The following LRP1B variants were observed in gnomAD, a reference collection of about 807,000 sequenced individuals.
The protein encoded by LRP1B is low-density lipoprotein receptor-related protein 1B.
In LRP1B, 217 loss-of-function variants were observed where a neutral mutation model predicts 556.6. That is an observed-to-expected ratio of 0.39 (90% confidence interval 0.35 to 0.44). The LOEUF (loss-of-function observed/expected upper bound fraction) is 0.44. Ranked by LOEUF, LRP1B falls within the 20% of genes least tolerant of loss-of-function variation. The pLI is 1.00. For synonymous variants in LRP1B, 2,047 were observed against 1,865.8 expected (o/e 1.10, Z -2.50); for missense variants, 5,053 against 5,620.8 (o/e 0.90, Z 3.23).
intron 31 of LRP1B, among the ~76,000 whole-genome samples, chr2:140,817,764 G>A (rs1006550257): frequency 2.0e-5 from 3 of 151,960 alleles, no homozygotes; most frequent in Admixed American, 6.6e-5. Flanking sequence ...AATATACTAT[G>A]CAGTATGGAG....
At chr2:141,064,529 T>C (rs1426422297) in intron 7 of LRP1B, among the ~76,000 whole-genome samples, 1 of 151,978 alleles carries the variant, frequency 6.6e-6, no homozygotes, top group Non-Finnish European at 1.5e-5. Flanking sequence ...AATATATAAC[T>C]GATCAAAATT....
intron 41 of LRP1B, among the ~76,000 whole-genome samples, chr2:140,650,309 TTTTATTTA>T (rs67816685): frequency 0.5 from 68,472 of 137,020 alleles, 18,001 homozygotes; most frequent in Middle Eastern, 0.64. Context: ...TTATTTTTAT[TTTTATTTA>T]TTTATTTATT....
At chr2:140,459,613 T>C (rs1216943119) in intron 60 of LRP1B, among the ~76,000 whole-genome samples, 1 of 152,336 alleles carries the variant, frequency 6.6e-6, no homozygotes, top group African/African-American at 2.4e-5. Context: ...AGCACTTGGG[T>C]GCACAAGAAC....
intron 43 of LRP1B, among the ~76,000 whole-genome samples, chr2:140,593,547 C>T (rs1682311471): frequency 6.6e-6 from 1 of 152,094 alleles, no homozygotes; most frequent in Admixed American, 6.5e-5. Flanking sequence ...AGTTTCCTAT[C>T]ACTGAATAAA....
intron 29 of LRP1B, among the ~76,000 whole-genome samples, chr2:140,844,360 G>A (rs982700595): frequency 3.9e-5 from 6 of 152,020 alleles, no homozygotes; most frequent in East Asian, 3.9e-4. Context: ...CTAATTAGGC[G>A]CCCAGCCTAA....
intron 1 of LRP1B, among the ~76,000 whole-genome samples, chr2:141,890,500 T>C (rs964524249): frequency 9.2e-5 from 14 of 151,560 alleles, no homozygotes; most frequent in African/African-American, 3.2e-4. Flanking sequence ...TATATATCAT[T>C]GACAAAATAT....
At chr2:141,061,962 T>G in intron 8 of LRP1B, 89 bp downstream of exon 8, 1 of 1,020,382 alleles carries the variant, frequency 9.8e-7, no homozygotes. Flanking sequence ...GCAGCTCGAC[T>G]TTACAAGAAA....
At chr2:141,009,898 G>A (rs144471200) in intron 14 of LRP1B, among the ~76,000 whole-genome samples, 1 of 151,896 alleles carries the variant, frequency 6.6e-6, no homozygotes, top group Non-Finnish European at 1.5e-5. Flanking sequence ...AATACTTTCT[G>A]GTCAAACAGA....
At chr2:141,077,593 T>C (rs1056390783) in intron 7 of LRP1B, among the ~76,000 whole-genome samples, 4 of 152,214 alleles carry the variant, frequency 2.6e-5, no homozygotes, top group East Asian at 1.9e-4. Context: ...AAGATGATTA[T>C]CTTCAATACT....
rs1558858138 is a variant in LRP1B, at chr2:141,096,629, G to GAGGGAGA, written c.1014-34357_1014-34356insTCTCCCT. Among the ~76,000 whole-genome samples the GAGGGAGA allele has an allele frequency of 1.1e-3, 68 of 59,738 alleles. 2 individuals carry two copies. Among genetic ancestry groups the GAGGGAGA allele is most frequent in the African/African-American group, 4.2e-3 (58 of 13,698 alleles). 39.2% of individuals were successfully genotyped at this position (59,738 alleles called of 152,430 possible). A position where few individuals can be genotyped will look rare whatever the true frequency, so the allele number is the denominator to read the frequency against. ...CTGAATGACAAAGACGGGGAGAGGG[G>GAGGGAGA]GAGAGAGAGAGAGAGAGAGAGAGAG... On this transcript the variant is annotated intron_variant, in intron 7 of 90. Transcript: ENST00000389484.
intron 2 of LRP1B, among the ~76,000 whole-genome samples, chr2:141,748,483 C>A (rs1437753443): frequency 6.6e-6 from 1 of 152,134 alleles, no homozygotes; most frequent in Non-Finnish European, 1.5e-5. Flanking sequence ...TCTGGGCAAG[C>A]GCTCATTATC....
chr2:140,711,473 C>T (rs891859691), intron 37 of LRP1B, among the ~76,000 whole-genome samples: 6 of 152,124 alleles, frequency 3.9e-5, no homozygotes, highest in African/African-American at 7.2e-5. Flanking sequence ...CAGGCCTCAC[C>T]GCCTGATTGG....
intron 6 of LRP1B, among the ~76,000 whole-genome samples, chr2:141,221,993 C>T (rs919035472): frequency 7.9e-5 from 12 of 152,142 alleles, no homozygotes; most frequent in African/African-American, 2.9e-4. Context: ...CTCAAACTAA[C>T]ACCCTAACAT....
rs184553658 is a variant in LRP1B at position 141,297,735 on chromosome 2, G to A, written c.344-43094C>T. Among the ~76,000 whole-genome samples the A allele has an allele frequency of 4.4e-3, 670 of 152,222 alleles. 2 individuals are homozygous for A. The highest frequency in any genetic ancestry group is 0.015 in the African/African-American group (605 of 41,554). ...ATTGCAAAACAATGTTTCTGTCAAT[G>A]AAGGACCCCATATACAACGGTGCTC... On this transcript the variant is annotated intron_variant, in intron 3 of 90. Transcript: ENST00000389484.
In LRP1B at chr2:141,835,359, C is replaced by T. The variant is rs1052077798; in HGVS notation, c.83-24958G>A. On this transcript the variant is annotated intron_variant, in intron 1 of 90. Transcript: ENST00000389484. ...CATCATCTAGCCCGAATCAGTTCCA[C>T]TATCACCCTGTCAACTCCAGTGTGG... Among the ~76,000 whole-genome samples the T allele has an allele frequency of 1.8e-4, 27 of 152,036 alleles. 1 individual carries two copies. In the East Asian group the frequency reaches 5.0e-3, roughly 28 times the overall value.
intron 11 of LRP1B, among the ~76,000 whole-genome samples, chr2:141,035,805 T>G (rs1698516496): frequency 6.6e-6 from 1 of 152,174 alleles, no homozygotes; most frequent in African/African-American, 2.4e-5. Context: ...TCTTTTTGCA[T>G]CAAGTAAAAT....
chr2:141,348,275 G>A (rs1024204732), intron 3 of LRP1B, among the ~76,000 whole-genome samples: 1 of 151,974 alleles, frequency 6.6e-6, no homozygotes, highest in East Asian at 1.9e-4. Context: ...GGTGGAAGAA[G>A]GGGAACTTAG....
intron 14 of LRP1B, among the ~76,000 whole-genome samples, chr2:141,011,303 A>G (rs557005951): frequency 4.3e-4 from 66 of 151,958 alleles, no homozygotes; most frequent in African/African-American, 1.5e-3. Flanking sequence ...CAAAAGATGC[A>G]AAGAGTAACA....
At chr2:140,606,130 C>T (rs1229967962) in intron 41 of LRP1B, among the ~76,000 whole-genome samples, 5 of 151,950 alleles carry the variant, frequency 3.3e-5, no homozygotes, top group East Asian at 1.9e-4. Flanking sequence ...CTGGTATATA[C>T]AAAATCTTAA....
Sources: gnomAD v4.1 joint callset for allele counts (sites outside exome capture counted in the v4.1 genomes callset) on GRCh38, gnomAD v4.1.1 for gene constraint, MANE v1.5 for transcripts, NCBI Gene and HGNC (gene_info 2026-07-23, HGNC 2026-07-21) for gene names.